Variants in ZNF292 observed in about 807,000 individuals in gnomAD.
ZNF292 encodes the protein 16 zinc-finger domain protein.
ZNF292 carries 26 observed loss-of-function variants against 217.9 expected under a neutral mutation model. The observed-to-expected ratio is 0.12, with a 90% CI of 0.09 to 0.17. ZNF292 has a LOEUF of 0.17. ZNF292 is among the 10% of genes least tolerant of loss of function. The pLI is 1.00. For missense variants in ZNF292, 2,904 were observed against 3,175.2 expected, an observed-to-expected ratio of 0.91 and a Z score of 2.05; for synonymous variants, 1,257 against 1,124.1, an observed-to-expected ratio of 1.12 and a Z score of -2.37.
chr6:87,243,033 C>T (rs1387977786), intron 5 of ZNF292, among the ~76,000 whole-genome samples: 1 of 151,884 alleles, frequency 6.6e-6, no homozygotes, highest in Non-Finnish European at 1.5e-5. Flanking sequence ...TTAGTCTATA[C>T]CCAGTGTACC....
intron 7 of ZNF292, among the ~76,000 whole-genome samples, chr6:87,248,916 ACATTTTAGTTG>A (rs2127846965): frequency 6.6e-6 from 1 of 152,350 alleles, no homozygotes; most frequent in East Asian, 1.9e-4. Flanking sequence ...TATGGTAGTC[ACATTTTAGTTG>A]CTGAGTAGCT....
In ZNF292 at chr6:87,237,827, G is replaced by A. The variant is rs548129071; in HGVS notation, c.741+4300G>A. Among the ~76,000 whole-genome samples, 3 of 152,250 alleles carry A rather than the reference G, an allele frequency of 2.0e-5. No homozygotes were observed. In the South Asian group the frequency reaches 6.2e-4, roughly 32 times the overall value. ...TTTAAATTTTTGCTCATTTGTCAGA[G>A]CAATAGAGAATAGTCCCTATATAGG... On this transcript the variant is annotated intron_variant, in intron 5 of 7. Transcript: ENST00000369577.
chr6:87,189,204 CAGAAATAAATAAAT>C (rs1771752158), intron 1 of ZNF292, among the ~76,000 whole-genome samples: 2 of 151,328 alleles, frequency 1.3e-5, no homozygotes, highest in Admixed American at 1.3e-4. Context: ...AACTCCAACT[CAGAAATAAATAAAT>C]AAAAATAAAT....
intron 4 of ZNF292, among the ~76,000 whole-genome samples, chr6:87,225,257 C>T (rs958754797): frequency 1.3e-5 from 2 of 152,084 alleles, no homozygotes; most frequent in African/African-American, 2.4e-5. Flanking sequence ...ATTTTGGGTA[C>T]AAGTTCTTTT....
intron 1 of ZNF292, among the ~76,000 whole-genome samples, chr6:87,208,511 A>G (rs1465011759): frequency 6.6e-6 from 1 of 152,058 alleles, no homozygotes; most frequent in Admixed American, 6.6e-5. Flanking sequence ...TAGATGTAAT[A>G]TGTTTTCTCA....
intron 4 of ZNF292, among the ~76,000 whole-genome samples, 182 bp from the exon 5 acceptor site, chr6:87,233,143 T>G (rs1269766338): frequency 6.6e-6 from 1 of 152,130 alleles, no homozygotes; most frequent in East Asian, 1.9e-4. Context: ...CTTTTAAAAG[T>G]TAGCAATATA....
rs111604211 is a variant in ZNF292 at position 87,258,443 on chromosome 6, G to A, written c.4814G>A (p.Arg1605His). 2.4e-5 allele frequency: 38 copies of A among 1,613,604 alleles called. No individual in the cohort carries two copies. Among genetic ancestry groups the A allele is most frequent in the African/African-American group, 5.3e-5 (4 of 75,004 alleles). ...CAAAATTTTACCAGTAACAGTTCTC[G>A]TGTTTCTGTTATAAGTGGTCCTCAG... Reference protein sequence around the residue: ...PSQNFTSNSSRVSVISGPQNT... With the variant: ...PSQNFTSNSSHVSVISGPQNT... The change falls in exon 8 of 8, where the codon CGT becomes CAT. Residue 1605 changes from arginine (R) to histidine (H), a missense_variant. By Grantham distance (29) the Arg-to-His change is conservative. Around this residue, in one of 15 missense-constraint regions of ZNF292, gnomAD observed 622 missense variants for 573.1 expected, o/e 1.09. Coordinates refer to ENST00000369577, the MANE Select transcript of ZNF292 (RefSeq NM_015021.3).
chr6:87,161,119 T>C (rs1330658167), intron 1 of ZNF292, among the ~76,000 whole-genome samples: 2 of 152,154 alleles, frequency 1.3e-5, no homozygotes, highest in Non-Finnish European at 2.9e-5. Context: ...ACTTTCTACT[T>C]TCTTAGCAGA....
chr6:87,235,000 A>G (rs1773832732), intron 5 of ZNF292, among the ~76,000 whole-genome samples: 1 of 152,172 alleles, frequency 6.6e-6, no homozygotes. Flanking sequence ...GACAGTTTGT[A>G]GGCTAGATGG....
At chr6:87,209,335 C>T (rs1425461600) in intron 1 of ZNF292, among the ~76,000 whole-genome samples, 1 of 151,922 alleles carries the variant, frequency 6.6e-6, no homozygotes, top group African/African-American at 2.4e-5. Flanking sequence ...TGGATTTATG[C>T]CACTTTAAAA....
At chr6:87,219,152 T>C (rs1772945088) in intron 4 of ZNF292, among the ~76,000 whole-genome samples, 1 of 152,214 alleles carries the variant, frequency 6.6e-6, no homozygotes, top group Admixed American at 6.5e-5. Context: ...CTCAGTTTAT[T>C]GCTCAGTCTT....
At chr6:87,199,007 A>T (rs993879640) in intron 1 of ZNF292, among the ~76,000 whole-genome samples, 2 of 152,210 alleles carry the variant, frequency 1.3e-5, no homozygotes, top group African/African-American at 4.8e-5. Flanking sequence ...ACAAGCTTAT[A>T]TTCGTTTTGG....
intron 1 of ZNF292, 45 bp downstream of exon 1, chr6:87,155,804 G>A (rs762672683): frequency 1.3e-6 from 2 of 1,520,358 alleles, no homozygotes; most frequent in East Asian, 2.3e-5. Context: ...CAGCTAGAGG[G>A]GGAAGAGGGC....
chr6:87,181,517 T>C (rs933765625), intron 1 of ZNF292, among the ~76,000 whole-genome samples: 5 of 152,134 alleles, frequency 3.3e-5, no homozygotes, highest in African/African-American at 1.2e-4. Context: ...AGGCAACTTT[T>C]TGGGCGCAAA....
intron 4 of ZNF292, among the ~76,000 whole-genome samples, chr6:87,222,364 A>G: frequency 6.6e-6 from 1 of 152,242 alleles, no homozygotes; most frequent in East Asian, 1.9e-4. Context: ...CTATTTTCCC[A>G]TAATGCTGGC....
At chr6:87,210,597 A>G (rs1772441783) in intron 1 of ZNF292, among the ~76,000 whole-genome samples, 2 of 151,822 alleles carry the variant, frequency 1.3e-5, no homozygotes, top group Admixed American at 6.6e-5. Flanking sequence ...CTGGCTGACA[A>G]GGTGAAACGC....
At chr6:87,229,638 C>G (rs1562157239) in intron 4 of ZNF292, among the ~76,000 whole-genome samples, 1 of 152,188 alleles carries the variant, frequency 6.6e-6, no homozygotes, top group Non-Finnish European at 1.5e-5. Flanking sequence ...GTTGGTCAGG[C>G]TGGTCTCAAA....
chr6:87,243,723 G>A (rs1774429026), intron 6 of ZNF292, 112 bp downstream of exon 6: 3 of 1,059,706 alleles, frequency 2.8e-6, no homozygotes. Flanking sequence ...TAAGACAAAA[G>A]GCTTATATTT....
Position 87,260,571 on chromosome 6 carries a change from A to G in ZNF292, c.6942A>G (p.Lys2314=). The G allele has an allele frequency of 6.2e-7, 1 of 1,613,226 alleles. No individual in the cohort carries two copies. Among genetic ancestry groups the G allele is most frequent in the Non-Finnish European group, 8.5e-7 (1 of 1,179,676 alleles). Residue 2314 remains lysine, a synonymous_variant, in exon 8 of 8, where the codon AAA becomes AAG. Transcript: ENST00000369577. Reference sequence around the variant, plus strand: ...CAAACCAAGAAAAATCAAAGTCTAAACATCGGGGGACCAAGCACAGCAGAT... The same window carrying G: ...CAAACCAAGAAAAATCAAAGTCTAAGCATCGGGGGACCAAGCACAGCAGAT... The part of the protein sequence containing the change: ...SKANQEKSKS[K]HRGTKHSRCG...
Sources: allele counts gnomAD v4.1 joint callset (sites outside exome capture counted in the v4.1 genomes callset), GRCh38; gene constraint gnomAD v4.1.1; regional missense constraint gnomAD v4.1.1; transcripts MANE v1.5; gene names NCBI Gene and HGNC (gene_info 2026-07-23, HGNC 2026-07-21).